The following PTPRR variants were observed in gnomAD, a reference collection of about 807,000 sequenced individuals.
PTPRR encodes receptor-type tyrosine-protein phosphatase R.
A neutral mutation model predicts 77.2 loss-of-function variants in PTPRR; 38 were observed. The ratio of observed to expected loss-of-function variants is 0.49; its 90% CI spans 0.38 to 0.65. The LOEUF (loss-of-function observed/expected upper bound fraction) is 0.65. Ranked by LOEUF, PTPRR falls within the 30% of genes least tolerant of loss-of-function variation. The pLI is 0.00. For synonymous variants in PTPRR, 299 were observed against 283.1 expected, an observed-to-expected ratio of 1.06 and a Z score of -0.57; for missense variants, 744 against 799.2, an observed-to-expected ratio of 0.93 and a Z score of 0.83.
chr12:70,708,690 A>T (rs1317462139), intron 6 of PTPRR, among the ~76,000 whole-genome samples: 8 of 151,896 alleles, frequency 5.3e-5, no homozygotes, highest in Non-Finnish European at 1.0e-4. Flanking sequence ...AATTTTTCCT[A>T]GTTTATATAA....
chr12:70,670,067 T>G (rs145803128), intron 10 of PTPRR, among the ~76,000 whole-genome samples: 1 of 152,174 alleles, frequency 6.6e-6, no homozygotes, highest in South Asian at 2.1e-4. Flanking sequence ...CTTTTTGAGA[T>G]TGAACCGTTT....
intron 3 of PTPRR, among the ~76,000 whole-genome samples, chr12:70,761,887 G>A (rs1331050804): frequency 6.6e-6 from 1 of 152,142 alleles, no homozygotes; most frequent in Non-Finnish European, 1.5e-5. Context: ...CTTGCATGCT[G>A]ATTCATTTAC....
chr12:70,665,327 C>G (rs983035904), intron 10 of PTPRR, among the ~76,000 whole-genome samples: 1 of 132,966 alleles, frequency 7.5e-6, no homozygotes, highest in African/African-American at 2.7e-5. Context: ...TGGTGGTTTA[C>G]AGCAAAAGTA....
chr12:70,708,827 C>T (rs1183780671), intron 6 of PTPRR, among the ~76,000 whole-genome samples: 2 of 151,752 alleles, frequency 1.3e-5, no homozygotes, highest in African/African-American at 4.8e-5. Flanking sequence ...CACACACACA[C>T]ACACACACAC....
intron 10 of PTPRR, chr12:70,672,154 G>C: frequency 6.8e-7 from 1 of 1,480,824 alleles, no homozygotes; most frequent in East Asian, 2.3e-5. Context: ...TCCTCTCAGT[G>C]GCAAGAAGAG....
At chr12:70,890,537 C>T (rs570189072) in intron 2 of PTPRR, among the ~76,000 whole-genome samples, 3 of 152,036 alleles carry the variant, frequency 2.0e-5, no homozygotes, top group Non-Finnish European at 4.4e-5. Context: ...ATCCTTCCTT[C>T]TGAGCTAGGA....
At chr12:70,777,104 C>T (rs1891104869) in intron 2 of PTPRR, among the ~76,000 whole-genome samples, 1 of 151,828 alleles carries the variant, frequency 6.6e-6, no homozygotes, top group South Asian at 2.1e-4. Flanking sequence ...TTGAACTATA[C>T]ATTTTGTTCC....
intron 2 of PTPRR, among the ~76,000 whole-genome samples, chr12:70,776,134 T>C (rs1214694894): frequency 6.6e-6 from 1 of 152,158 alleles, no homozygotes; most frequent in Non-Finnish European, 1.5e-5. Context: ...CTATCCACAA[T>C]CAAATTTGCT....
At chr12:70,640,543 A>G (rs1425420500) in intron 13 of PTPRR, among the ~76,000 whole-genome samples, 1 of 152,232 alleles carries the variant, frequency 6.6e-6, no homozygotes, top group Non-Finnish European at 1.5e-5. Flanking sequence ...ACTGTATAAA[A>G]GCATCACTAT....
At chr12:70,847,861 A>T (rs1011666655) in intron 2 of PTPRR, among the ~76,000 whole-genome samples, 1 of 152,194 alleles carries the variant, frequency 6.6e-6, no homozygotes, top group Non-Finnish European at 1.5e-5. Context: ...CTTTTTGGTA[A>T]AGAACAGCTT....
intron 1 of PTPRR, among the ~76,000 whole-genome samples, chr12:70,915,544 C>T (rs1893762897): frequency 6.6e-6 from 1 of 152,218 alleles, no homozygotes; most frequent in African/African-American, 2.4e-5. Context: ...GCCATTCCTA[C>T]ATGTACAAGG....
chr12:70,702,050 C>G (rs186979095), intron 6 of PTPRR, among the ~76,000 whole-genome samples: 1 of 152,144 alleles, frequency 6.6e-6, no homozygotes, highest in Admixed American at 6.6e-5. Context: ...TATATGTATG[C>G]ACGCATATGT....
rs1240644415 is a variant in PTPRR at position 70,741,238 on chromosome 12, AT to A, written c.1007+4579del. 7.6e-3 allele frequency among the ~76,000 whole-genome samples: 1,165 copies of A among 152,342 alleles called. 17 individuals are homozygous for A. The highest frequency in any genetic ancestry group is 0.026 in the African/African-American group (1,096 of 41,574). On this transcript the variant is annotated intron_variant, in intron 6 of 13. Coordinates refer to ENST00000283228, the MANE Select transcript of PTPRR (RefSeq NM_002849.4). ...AGATAAGGAGACAATTCAATCATAT[AT>A]GTGTCCTCAAGAAGCTTAGAGTCTA...
At chr12:70,714,292 A>C (rs1431678391) in intron 6 of PTPRR, among the ~76,000 whole-genome samples, 1 of 152,142 alleles carries the variant, frequency 6.6e-6, no homozygotes, top group Non-Finnish European at 1.5e-5. Flanking sequence ...CTTATACTAA[A>C]GTTTTCAAAT....
chr12:70,764,604 G>T, intron 3 of PTPRR, 61 bp downstream of exon 3: 1 of 1,351,144 alleles, frequency 7.4e-7, no homozygotes, highest in Non-Finnish European at 1.1e-6. Context: ...GAGCCCTTTA[G>T]TGATTAAAAA....
At chr12:70,734,823 A>G (rs1415170293) in intron 6 of PTPRR, among the ~76,000 whole-genome samples, 1 of 152,066 alleles carries the variant, frequency 6.6e-6, no homozygotes, top group East Asian at 1.9e-4. Flanking sequence ...GTAGTGGCCA[A>G]TTTTTACCTT....
intron 2 of PTPRR, among the ~76,000 whole-genome samples, chr12:70,796,193 G>T (rs1891511041): frequency 6.6e-6 from 1 of 151,788 alleles, no homozygotes. Flanking sequence ...CAAAGTGCTG[G>T]GATTATAGGC....
chr12:70,767,169 A>C (rs1890846102), intron 2 of PTPRR, among the ~76,000 whole-genome samples: 2 of 152,130 alleles, frequency 1.3e-5, no homozygotes, highest in East Asian at 1.9e-4. Flanking sequence ...TAACAATATT[A>C]ACTTTAAATG....
chr12:70,687,116 A>G lies in PTPRR; in HGVS notation c.1280-2333T>C, dbSNP rs150496088. Among the ~76,000 whole-genome samples, 512 of 152,174 alleles carry G rather than the reference A, an allele frequency of 3.4e-3. 3 individuals are homozygous for G. The highest frequency in any genetic ancestry group is 0.011 in the African/African-American group (464 of 41,540). On this transcript the variant is annotated intron_variant, in intron 8 of 13. Transcript: ENST00000283228. ...ATTCTATAACGTACATACTGTTAAC[A>G]GTCTCTTTATTTAGATTAGGAAATT...
Sources: gnomAD v4.1 joint callset for allele counts (sites outside exome capture counted in the v4.1 genomes callset) on GRCh38, gnomAD v4.1.1 for gene constraint, MANE v1.5 for transcripts, NCBI Gene and HGNC (gene_info 2026-07-23, HGNC 2026-07-21) for gene names.